The following SAE1 variants were observed in gnomAD, a reference collection of about 807,000 sequenced individuals.
The protein encoded by SAE1 is SUMO1 activating enzyme subunit 1.
In SAE1, 11 loss-of-function variants were observed where a neutral mutation model predicts 40.6. The observed-to-expected ratio is 0.27, with a 90% confidence interval of 0.17 to 0.45. SAE1 has a LOEUF of 0.45. Ranked by LOEUF, SAE1 falls within the 20% of genes least tolerant of loss-of-function variation. SAE1 has a pLI of 1.00. For missense variants in SAE1, 373 were observed against 427.3 expected (o/e 0.87, Z 1.12); for synonymous variants, 155 against 154.3 (o/e 1.00, Z -0.03).
chr19:47,155,417 C>A (rs2058316202), intron 5 of SAE1, among the ~76,000 whole-genome samples: 2 of 152,020 alleles, frequency 1.3e-5, no homozygotes. Context: ...TGGGATTTTT[C>A]AAGACAATGA....
At chr19:47,205,501 G>A (rs1260457880) in intron 8 of SAE1, among the ~76,000 whole-genome samples, 3 of 152,074 alleles carry the variant, frequency 2.0e-5, no homozygotes, top group Non-Finnish European at 4.4e-5. Context: ...CCAGAGTGAT[G>A]TGAAAATTAC....
At chr19:47,153,182 A>G (rs967186130) in intron 4 of SAE1, 142 bp downstream of exon 4, 2 of 687,474 alleles carry the variant, frequency 2.9e-6, no homozygotes, top group African/African-American at 1.9e-5. Context: ...GGCTCAAGTG[A>G]TCCTCCCACC....
intron 5 of SAE1, among the ~76,000 whole-genome samples, chr19:47,161,754 T>A (rs1600171651): frequency 6.6e-6 from 1 of 152,312 alleles, no homozygotes; most frequent in East Asian, 1.9e-4. Context: ...CCTCCTCAGT[T>A]GGGTTTCTCA....
chr19:47,158,146 C>G (rs1268941402), intron 5 of SAE1, among the ~76,000 whole-genome samples: 1 of 152,062 alleles, frequency 6.6e-6, no homozygotes, highest in African/African-American at 2.4e-5. Flanking sequence ...GGTTAGGGTT[C>G]CCTTCCCCTC....
intron 7 of SAE1, among the ~76,000 whole-genome samples, chr19:47,200,483 C>T (rs2058646826): frequency 6.7e-6 from 1 of 149,058 alleles, no homozygotes; most frequent in African/African-American, 2.5e-5. Flanking sequence ...AGTTATGAAC[C>T]GCATAACAAG....
chr19:47,195,464 C>G (rs979387481), intron 6 of SAE1, among the ~76,000 whole-genome samples: 1 of 152,174 alleles, frequency 6.6e-6, no homozygotes, highest in Admixed American at 6.6e-5. Flanking sequence ...AACCTTTCCT[C>G]TGGTTCACAA....
At chr19:47,199,584 G>A (rs948908633) in intron 7 of SAE1, among the ~76,000 whole-genome samples, 1 of 152,072 alleles carries the variant, frequency 6.6e-6, no homozygotes, top group African/African-American at 2.4e-5. Context: ...CTGCTGGCCG[G>A]TGATGCAGAG....
intron 6 of SAE1, among the ~76,000 whole-genome samples, chr19:47,183,513 G>C (rs190551605): frequency 6.6e-6 from 1 of 152,054 alleles, no homozygotes; most frequent in Non-Finnish European, 1.5e-5. Flanking sequence ...CAGGCACCTC[G>C]TGACATTTTC....
intron 6 of SAE1, chr19:47,180,321 T>C (rs1307747168): frequency 6.6e-6 from 3 of 454,888 alleles, no homozygotes; most frequent in Non-Finnish European, 1.3e-5. Context: ...TGGAATATCC[T>C]GCTATGCCAG....
At chr19:47,154,479 GCTTTTTTTTTTT>G (rs1232229816) in intron 4 of SAE1, among the ~76,000 whole-genome samples, 1 of 91,706 alleles carries the variant, frequency 1.1e-5, no homozygotes, top group African/African-American at 3.9e-5. Context: ...ATTAAGTTTG[GCTTTTTTTTTTT>G]TTTTTTTTTT....
At chr19:47,149,902 C>G (rs911470667) in intron 2 of SAE1, among the ~76,000 whole-genome samples, 14 of 151,394 alleles carry the variant, frequency 9.2e-5, no homozygotes, top group African/African-American at 3.2e-4. Flanking sequence ...GTGGTGAAAC[C>G]CTGTCTCTAC....
chr19:47,164,273 A>G (rs1281843447), intron 5 of SAE1, among the ~76,000 whole-genome samples: 2 of 151,744 alleles, frequency 1.3e-5, no homozygotes, highest in African/African-American at 4.8e-5. Context: ...GGTTCACGCC[A>G]TTCTCCTGCC....
In SAE1 at chr19:47,156,269, TAAAAA is replaced by T. The variant is rs568932525; in HGVS notation, c.627+1065_627+1069del. 3.0e-5 allele frequency among the ~76,000 whole-genome samples: 4 copies of T among 132,858 alleles called. 1 individual carries two copies. The highest frequency in any genetic ancestry group is 2.4e-4 in the South Asian group (1 of 4,196). The allele number at this position is 132,858 out of a possible 152,430, so 87.2% of individuals were successfully genotyped here. A position where few individuals can be genotyped will look rare whatever the true frequency, so the allele number is the denominator to read the frequency against. ...CTGGGCCACCTAGCAAGATCCTGTC[TAAAAA>T]AAAAAAAAGCAAAACAAAAAATTTT... On this transcript the variant is annotated intron_variant, in intron 5 of 8. Coordinates refer to ENST00000270225, the MANE Select transcript of SAE1 (RefSeq NM_005500.3).
intron 5 of SAE1, 120 bp from the exon 6 acceptor site, chr19:47,169,698 T>G: frequency 1.4e-6 from 1 of 729,752 alleles, no homozygotes; most frequent in Non-Finnish European, 2.4e-6. Flanking sequence ...TGGCCCCTGC[T>G]TCTTTTAATG....
chr19:47,165,534 C>T (rs1215863402), intron 5 of SAE1, among the ~76,000 whole-genome samples: 2 of 152,136 alleles, frequency 1.3e-5, no homozygotes, highest in East Asian at 3.8e-4. Flanking sequence ...ATGTAAGTTA[C>T]CTGTTTTCAG....
At chr19:47,207,206 C>G (rs1029542175) in intron 8 of SAE1, among the ~76,000 whole-genome samples, 3 of 152,126 alleles carry the variant, frequency 2.0e-5, no homozygotes, top group African/African-American at 7.2e-5. Flanking sequence ...GTGCCTCCCA[C>G]CTGGGTAGCA....
At chr19:47,189,479 T>G (rs954704528) in intron 6 of SAE1, among the ~76,000 whole-genome samples, 1 of 152,118 alleles carries the variant, frequency 6.6e-6, no homozygotes, top group African/African-American at 2.4e-5. Flanking sequence ...TAGAATCGCT[T>G]GCACCTGGGA....
At chr19:47,182,514 C>T (rs28375607) in intron 6 of SAE1, among the ~76,000 whole-genome samples, 10,162 of 151,382 alleles carry the variant, frequency 0.067, 1,089 homozygotes, top group African/African-American at 0.23. Flanking sequence ...CGCACGCGCG[C>T]GCGCACACCA....
At chr19:47,157,934 G>A (rs184237535) in intron 5 of SAE1, among the ~76,000 whole-genome samples, 30 of 152,258 alleles carry the variant, frequency 2.0e-4, no homozygotes, top group South Asian at 1.2e-3. Flanking sequence ...CCATGGCTTT[G>A]TCACCTTGCA....
Sources: gnomAD v4.1 joint callset for allele counts (sites outside exome capture counted in the v4.1 genomes callset) on GRCh38, gnomAD v4.1.1 for gene constraint, MANE v1.5 for transcripts, NCBI Gene and HGNC (gene_info 2026-07-23, HGNC 2026-07-21) for gene names.